Variants in DYNC1H1 observed in about 807,000 individuals in gnomAD.
DYNC1H1 encodes the protein dynein cytoplasmic 1 heavy chain 1.
In DYNC1H1, 51 loss-of-function variants were observed where a neutral mutation model predicts 527.1. That is an observed-to-expected ratio of 0.10 (90% CI 0.08 to 0.12). The LOEUF (loss-of-function observed/expected upper bound fraction) is 0.12, where lower values mean the gene tolerates loss of function less well. DYNC1H1 is among the 10% of genes least tolerant of loss of function. The pLI is 1.00. For synonymous variants in DYNC1H1, 2,189 were observed against 2,278.8 expected, an observed-to-expected ratio of 0.96 and a Z score of 1.12; for missense variants, 2,771 against 5,971.8, an observed-to-expected ratio of 0.46 and a Z score of 17.66.
Position 102,033,433 on chromosome 14 carries a change from G to T in DYNC1H1, c.10362G>T (p.Leu3454=). 6.2e-7 allele frequency: 1 copy of T among 1,614,200 alleles called. No homozygotes were observed. Among genetic ancestry groups the T allele is most frequent in the South Asian group, 1.1e-5 (1 of 91,080 alleles). ...IARYKEEYAV[L]ISEAQAIKAD... ...GCTACAAGGAGGAATACGCCGTCCTGATCTCAGAGGCCCAGGCCATCAAGG... is the reference window on the plus strand; with the variant it reads ...GCTACAAGGAGGAATACGCCGTCCTTATCTCAGAGGCCCAGGCCATCAAGG... Residue 3454 remains leucine, a synonymous_variant, in exon 54 of 78, where the codon CTG becomes CTT. Transcript: ENST00000360184. The surrounding 1 kb of genome is among the most constrained non-coding windows in gnomAD (Gnocchi z 5.6).
chr14:101,991,737 ACTT>A, intron 11 of DYNC1H1, 64 bp downstream of exon 11: 1 of 1,600,476 alleles, frequency 6.2e-7, no homozygotes, highest in Non-Finnish European at 8.6e-7. Context: ...CTGTGATACC[ACTT>A]CTTCATGGTG....
chr14:102,046,798 G>GT (rs770862063), intron 72 of DYNC1H1, among the ~76,000 whole-genome samples: 8,911 of 142,668 alleles, frequency 0.062, 769 homozygotes, highest in African/African-American at 0.19. Context: ...TGCTGGTTCC[G>GT]TTTTTTTTTT....
At position 102,038,618 on chromosome 14, in the gene DYNC1H1, G is replaced by C; in HGVS notation, c.11055+12G>C. The C allele has an allele frequency of 2.5e-6, 4 of 1,614,194 alleles. No individual in the cohort carries two copies. Among genetic ancestry groups the C allele is most frequent in the Non-Finnish European group, 3.4e-6 (4 of 1,180,036 alleles). ...CCCGGGATCCAACTGTAAGGAATGG[G>C]ACCCTTCCCCAGGGAAATCTGGCAG... On this transcript the variant is annotated intron_variant, in intron 58 of 77. Transcript: ENST00000360184. The surrounding 1 kb of genome is among the most constrained non-coding windows in gnomAD (Gnocchi z 7.2).
chr14:101,998,879 CTTTTTTTTT>C (rs888317854), intron 16 of DYNC1H1, among the ~76,000 whole-genome samples: 3 of 115,220 alleles, frequency 2.6e-5, no homozygotes, highest in Admixed American at 9.4e-5. Flanking sequence ...AAAACTTTTT[CTTTTTTTTT>C]TTTTTTTTTT....
chr14:102,042,604 C>G lies in DYNC1H1; in HGVS notation c.12400-31C>G. The G allele has an allele frequency of 1.9e-6, 3 of 1,613,962 alleles. No homozygotes were observed. Among genetic ancestry groups the G allele is most frequent in the Non-Finnish European group, 1.7e-6 (2 of 1,179,960 alleles). On this transcript the variant is annotated intron_variant, in intron 68 of 77. Transcript: ENST00000360184. The surrounding 1 kb of genome is among the most constrained non-coding windows in gnomAD (Gnocchi z 5.7). ...TTGAACAGGCGCCCTCATCCACACC[C>G]GAGCATAACTGGAACGGCGCTCTCC...
In DYNC1H1 at chr14:102,050,096, C is replaced by T. The variant is rs754717221; in HGVS notation, c.13710C>T (p.Cys4570=). 3 of 1,558,756 alleles carry T rather than the reference C, an allele frequency of 1.9e-6. No homozygotes were observed. Among genetic ancestry groups the T allele is most frequent in the Non-Finnish European group, 2.6e-6 (3 of 1,164,150 alleles). The change falls in exon 77 of 78, where the codon TGC becomes TGT. Residue 4570 remains cysteine (C), a synonymous_variant. Coordinates refer to ENST00000360184, the MANE Select transcript of DYNC1H1 (RefSeq NM_001376.5). ...VTGLKLQGAT[C]NNNKLSLSNA... ...GTTTGAAACTTCAAGGGGCCACGTG[C>T]AACAACAACAAGCTGTCACTGTCCA...
rs1028625932 is a variant in DYNC1H1 at position 102,001,946 on chromosome 14, T to C, written c.4542+265T>C. ...ATGCCACCATGCTGGGCTAGCTTTT[T>C]ATTTTTTGTAGAGACAGCATCTCAC... On this transcript the variant is annotated intron_variant, in intron 21 of 77. Coordinates refer to ENST00000360184, the MANE Select transcript of DYNC1H1 (RefSeq NM_001376.5). This position sits in a 1 kb window ranked among gnomAD's most constrained non-coding sequence, Gnocchi z 5.0. 6.6e-6 allele frequency among the ~76,000 whole-genome samples: 1 copy of C among 152,026 alleles called. No individual in the cohort carries two copies. Among genetic ancestry groups the C allele is most frequent in the African/African-American group, 2.4e-5 (1 of 41,398 alleles).
Position 101,995,065 on chromosome 14 carries a change from A to G in DYNC1H1, c.3413A>G (p.Asn1138Ser), listed in dbSNP as rs748595916. The G allele has an allele frequency of 6.2e-7, 1 of 1,614,250 alleles. No individual in the cohort carries two copies. Among genetic ancestry groups the G allele is most frequent in the Non-Finnish European group, 8.5e-7 (1 of 1,180,044 alleles). Reference sequence around the variant, plus strand: ...AAATTTGGGCAGATGCTAGGATCAAACATGACGGAATTCCATTCCCAGATC... The same window carrying G: ...AAATTTGGGCAGATGCTAGGATCAAGCATGACGGAATTCCATTCCCAGATC... ...LSKFGQMLGS[N>S]MTEFHSQISK... Residue 1138 changes from asparagine (N) to serine (S), a missense_variant, in exon 14 of 78, where the codon AAC (asparagine) becomes AGC (serine). Asn to Ser is a conservative substitution (Grantham distance 46). This residue lies in a region of DYNC1H1 where 223 missense variants were observed against 462.5 expected (regional missense o/e 0.48). Coordinates refer to ENST00000360184, the MANE Select transcript of DYNC1H1 (RefSeq NM_001376.5).
intron 16 of DYNC1H1, among the ~76,000 whole-genome samples, chr14:101,999,537 A>G (rs1199573466): frequency 2.0e-5 from 3 of 152,194 alleles, no homozygotes; most frequent in Non-Finnish European, 2.9e-5. Context: ...AAGTATGCAA[A>G]TGGTAGTGTT....
chr14:102,042,469 T>C lies in DYNC1H1; in HGVS notation c.12361T>C (p.Cys4121Arg). ...KKLHSLQPHA[C>R]FRLFLTMEIN... is the part of the protein sequence containing the mutation. Reference sequence around the variant, plus strand: ...GTTGCATTCCCTGCAGCCGCATGCCTGCTTCCGACTCTTCCTCACCATGGA... The same window carrying C: ...GTTGCATTCCCTGCAGCCGCATGCCCGCTTCCGACTCTTCCTCACCATGGA... Residue 4121 changes from cysteine (C) to arginine (R), a missense_variant, in exon 68 of 78, where the codon TGC becomes CGC. By Grantham distance (180) the Cys-to-Arg change is radical. Around this residue, in one of 32 missense-constraint regions of DYNC1H1, gnomAD observed 195 missense variants for 428.6 expected, o/e 0.45. Coordinates refer to ENST00000360184, the MANE Select transcript of DYNC1H1 (RefSeq NM_001376.5). The surrounding 1 kb of genome is among the most constrained non-coding windows in gnomAD (Gnocchi z 5.7). 1 of 1,614,164 alleles carries C rather than the reference T, an allele frequency of 6.2e-7. No homozygotes were observed. The highest frequency in any genetic ancestry group is 8.5e-7 in the Non-Finnish European group (1 of 1,180,042).
At chr14:102,026,100 C>T (rs1229335697) in intron 43 of DYNC1H1, among the ~76,000 whole-genome samples, 1 of 145,658 alleles carries the variant, frequency 6.9e-6, no homozygotes, top group Non-Finnish European at 1.5e-5. Flanking sequence ...GGTGACAGAG[C>T]GAGGCTACAA....
At chr14:102,019,212 C>A (rs1396196480) in intron 41 of DYNC1H1, among the ~76,000 whole-genome samples, 1 of 152,242 alleles carries the variant, frequency 6.6e-6, no homozygotes, top group African/African-American at 2.4e-5. Flanking sequence ...AGCTACGCCT[C>A]CACCAGCAGC....
At position 102,018,683 on chromosome 14, in the gene DYNC1H1, A is replaced by G. The variant is rs923588336; in HGVS notation, c.8343+67A>G. 4 of 1,581,558 alleles carry G rather than the reference A, an allele frequency of 2.5e-6. No individual in the cohort carries two copies. In the African/African-American group the frequency reaches 4.0e-5, roughly 16 times the overall value. Reference sequence around the variant, plus strand: ...TCATAATTAAGGCACTCGATTGGTCAGGTGTGGTGGTTCACACCTGTAATC... The same window carrying G: ...TCATAATTAAGGCACTCGATTGGTCGGGTGTGGTGGTTCACACCTGTAATC... On this transcript the variant is annotated intron_variant, in intron 41 of 77. Transcript: ENST00000360184. This position sits in a 1 kb window ranked among gnomAD's most constrained non-coding sequence, Gnocchi z 5.2.
Position 102,052,421 on chromosome 14 carries a change from C to T in DYNC1H1, c.*1858C>T, listed in dbSNP as rs1451581845. ...ATGCTGGGATTACAAGTGTGAGCCACCACACCCAGCCCCTAAAAACATTTA... is the reference window on the plus strand; with the variant it reads ...ATGCTGGGATTACAAGTGTGAGCCATCACACCCAGCCCCTAAAAACATTTA... On this transcript the variant is annotated 3_prime_UTR_variant, in exon 78 of 78. Coordinates refer to ENST00000360184, the MANE Select transcript of DYNC1H1 (RefSeq NM_001376.5). 6.6e-6 allele frequency: 1 copy of T among 152,344 alleles called. No homozygotes were observed. Among genetic ancestry groups the T allele is most frequent in the African/African-American group, 2.4e-5 (1 of 41,456 alleles). The allele number at this position is 152,344 out of a possible 1,614,324, so 9.4% of individuals were successfully genotyped here.
At position 102,052,694 on chromosome 14, in the gene DYNC1H1, AGG is replaced by A. The variant is rs2048827700; in HGVS notation, c.*2135_*2136del. The A allele has an allele frequency of 1.3e-5, 2 of 151,886 alleles. No individual in the cohort carries two copies. The highest frequency in any genetic ancestry group is 4.9e-5 in the African/African-American group (2 of 41,174). 9.4% of individuals were successfully genotyped at this position (151,886 alleles called of 1,614,324 possible). On this transcript the variant is annotated 3_prime_UTR_variant, in exon 78 of 78. Transcript: ENST00000360184. ...TGCTTGGCACGTGTCTGCCAGTCTC[AGG>A]GGGCTCCATGGGAGTGAGGAAGGGC...
Position 101,987,484 on chromosome 14 carries a change from T to C in DYNC1H1, c.2570T>C (p.Ile857Thr). 6.2e-7 allele frequency: 1 copy of C among 1,614,110 alleles called. No homozygotes were observed. Among genetic ancestry groups the C allele is most frequent in the Non-Finnish European group, 8.5e-7 (1 of 1,180,010 alleles). The change falls in exon 9 of 78, where the codon ATA becomes ACA. Residue 857 changes from isoleucine to threonine, a missense_variant. By Grantham distance (89) the Ile-to-Thr change is moderately conservative. This residue lies in a region of DYNC1H1 where 179 missense variants were observed against 349.4 expected (regional missense o/e 0.51). Transcript: ENST00000360184. The part of the protein sequence containing the change: ...VDDLLIIEEK[I>T]DLEVRSLETC... Reference sequence around the variant, plus strand: ...GATCTGCTGATCATTGAAGAAAAAATAGACCTAGAAGTCCGTTCCTTGGAA... The same window carrying C: ...GATCTGCTGATCATTGAAGAAAAAACAGACCTAGAAGTCCGTTCCTTGGAA...
At chr14:102,004,352 T>C (rs994251738) in intron 23 of DYNC1H1, among the ~76,000 whole-genome samples, 166 bp from the exon 24 acceptor site, 2 of 152,238 alleles carry the variant, frequency 1.3e-5, no homozygotes, top group African/African-American at 4.8e-5. Flanking sequence ...TAAGTGTGTA[T>C]CTTTTGCCAA....
chr14:102,043,313 C>T (rs902299240), intron 69 of DYNC1H1: 6 of 211,852 alleles, frequency 2.8e-5, no homozygotes, highest in Non-Finnish European at 5.6e-5. Flanking sequence ...CCTGTCTGGA[C>T]AACATAGTGA....
rs1270698559 is a variant in DYNC1H1 at position 101,997,787 on chromosome 14, TTCTAGGTC to T, written c.3804+514_3804+521del. Among the ~76,000 whole-genome samples, 1 of 152,188 alleles carries T rather than the reference TTCTAGGTC, an allele frequency of 6.6e-6. No homozygotes were observed. The highest frequency in any genetic ancestry group is 2.4e-5 in the African/African-American group (1 of 41,432). The stretch of plus-strand genomic sequence containing the variant: ...AGCACCGACTGTGTTCCAGGCCTTG[TTCTAGGTC>T]ATTGAGATATAGCAGTGAGTGAAAA... On this transcript the variant is annotated intron_variant, in intron 16 of 77. Coordinates refer to ENST00000360184, the MANE Select transcript of DYNC1H1 (RefSeq NM_001376.5). This position sits in a 1 kb window ranked among gnomAD's most constrained non-coding sequence, Gnocchi z 4.8.
Sources: gnomAD v4.1 joint callset for allele counts (sites outside exome capture counted in the v4.1 genomes callset) on GRCh38, gnomAD v4.1.1 for gene constraint, gnomAD v4.1.1 regional missense constraint, Gnocchi (gnomAD v3.1) non-coding constraint, MANE v1.5 for transcripts, NCBI Gene and HGNC (gene_info 2026-07-23, HGNC 2026-07-21) for gene names.